SASH1: variants seen among roughly 807,000 people sequenced by gnomAD.
The protein encoded by SASH1 is SAM and SH3 domain-containing protein 1.
A neutral mutation model predicts 125.2 loss-of-function variants in SASH1; 44 were observed. That is an observed-to-expected ratio of 0.35 (90% CI 0.28 to 0.45). SASH1 has a LOEUF of 0.45. Ranked by LOEUF, SASH1 falls within the 20% of genes least tolerant of loss-of-function variation. SASH1 has a pLI of 1.00. For missense variants in SASH1, 1,426 were observed against 1,614.5 expected (o/e 0.88, Z 2.00); for synonymous variants, 639 against 649.1 (o/e 0.98, Z 0.24).
At chr6:148,329,209 AGTT>A (rs1780920248) in intron 1 of SASH1, among the ~76,000 whole-genome samples, 1 of 152,214 alleles carries the variant, frequency 6.6e-6, no homozygotes, top group Non-Finnish European at 1.5e-5. Context: ...GCTAGCACCT[AGTT>A]GTTTCATTTA....
intron 1 of SASH1, among the ~76,000 whole-genome samples, chr6:148,376,026 A>G (rs926335697): frequency 3.9e-5 from 6 of 152,072 alleles, no homozygotes; most frequent in African/African-American, 1.2e-4. Flanking sequence ...TGGGGATTGC[A>G]TGGCATTTTT....
intron 2 of SASH1, among the ~76,000 whole-genome samples, chr6:148,434,416 A>G (rs1026312909): frequency 6.6e-6 from 1 of 152,158 alleles, no homozygotes; most frequent in Non-Finnish European, 1.5e-5. Context: ...CTTTAGAAAA[A>G]AGTAATGCAA....
At chr6:148,514,112 G>A in intron 8 of SASH1, 17 of 1,306,406 alleles carry the variant, frequency 1.3e-5, no homozygotes, top group Non-Finnish European at 1.6e-5. Context: ...AAGGATGTGT[G>A]TTTCCGTGCC....
At chr6:148,407,602 C>T (rs1042387843) in intron 2 of SASH1, among the ~76,000 whole-genome samples, 1 of 152,174 alleles carries the variant, frequency 6.6e-6, no homozygotes, top group Non-Finnish European at 1.5e-5. Context: ...AGAGGTGGAA[C>T]TGCTGGATGA....
intron 7 of SASH1, among the ~76,000 whole-genome samples, chr6:148,483,751 T>C (rs1388743943): frequency 2.0e-5 from 3 of 152,320 alleles, no homozygotes; most frequent in Non-Finnish European, 2.9e-5. Flanking sequence ...TTTATACCTA[T>C]AGGATATTCT....
chr6:148,367,040 C>T (rs866128032), intron 1 of SASH1, among the ~76,000 whole-genome samples: 1 of 144,244 alleles, frequency 6.9e-6, no homozygotes, highest in African/African-American at 2.6e-5. Flanking sequence ...GGCGTGATCT[C>T]TGCTCACTGC....
At chr6:148,502,524 C>T (rs1002086188) in intron 8 of SASH1, among the ~76,000 whole-genome samples, 7 of 152,200 alleles carry the variant, frequency 4.6e-5, no homozygotes, top group Non-Finnish European at 8.8e-5. Context: ...GCCTCTGCCA[C>T]GGCCCCAGAG....
rs576829882 is a variant in SASH1, at chr6:148,483,948, A to G, written c.628-3666A>G. Among the ~76,000 whole-genome samples the G allele has an allele frequency of 2.6e-5, 4 of 152,330 alleles. No individual in the cohort carries two copies. In the South Asian group the frequency reaches 8.3e-4, roughly 32 times the overall value. The stretch of plus-strand genomic sequence containing the variant: ...TTGATCTCATGGGGAGAAGTTGGAA[A>G]GGATTTATCTCAAAAGAAGCAGAAA... On this transcript the variant is annotated intron_variant, in intron 7 of 19. Coordinates refer to ENST00000367467, the MANE Select transcript of SASH1 (RefSeq NM_015278.5).
intron 1 of SASH1, among the ~76,000 whole-genome samples, chr6:148,362,207 G>GT (rs1562352020): frequency 6.7e-6 from 1 of 148,906 alleles, no homozygotes; most frequent in East Asian, 2.0e-4. Context: ...GATTACAGGC[G>GT]TGAGCCACCG....
Position 148,519,188 on chromosome 6 carries a change from G to T in SASH1, c.863-359G>T, listed in dbSNP as rs1464722787. ...GCCTTTCAGAAGGGGGAAAGATCCT[G>T]ATTCCTAGTTTCAGAGGGTTGCATT... On this transcript the variant is annotated intron_variant, in intron 9 of 19. Coordinates refer to ENST00000367467, the MANE Select transcript of SASH1 (RefSeq NM_015278.5). The surrounding 1 kb of genome is among the most constrained non-coding windows in gnomAD (Gnocchi z 4.8). Among the ~76,000 whole-genome samples, 1 of 152,188 alleles carries T rather than the reference G, an allele frequency of 6.6e-6. No individual in the cohort carries two copies. The highest frequency in any genetic ancestry group is 2.4e-5 in the African/African-American group (1 of 41,430).
rs1409476115 is a variant in SASH1 at position 148,527,611 on chromosome 6, G to A, written c.1428+15G>A. On this transcript the variant is annotated intron_variant, in intron 12 of 19. Coordinates refer to ENST00000367467, the MANE Select transcript of SASH1 (RefSeq NM_015278.5). ...TCTCTGAGCAGGTATGCAGCTACCT[G>A]GTAGAATGTTCCCTTGGTTCTTCCT... The A allele has an allele frequency of 5.0e-6, 8 of 1,590,158 alleles. No homozygotes were observed. The highest frequency in any genetic ancestry group is 6.8e-6 in the Non-Finnish European group (8 of 1,172,942).
At chr6:148,202,371 A>G in the SASH1 span, among the ~76,000 whole-genome samples, 44 of 152,210 alleles carry the variant, frequency 2.9e-4, no homozygotes, top group African/African-American at 1.1e-3. Flanking sequence ...GGGCCCACAT[A>G]GCGAAAAGAC....
chr6:148,241,711 T>C, the SASH1 span, among the ~76,000 whole-genome samples: 1 of 152,202 alleles, frequency 6.6e-6, no homozygotes, highest in African/African-American at 2.4e-5. Flanking sequence ...AGCCACGCAA[T>C]TGGGGTTCAA....
At chr6:148,278,017 G>GTTTTGT (rs939211764) in intron 1 of SASH1, among the ~76,000 whole-genome samples, 16 of 151,638 alleles carry the variant, frequency 1.1e-4, no homozygotes, top group African/African-American at 2.9e-4. Flanking sequence ...TCCCGGCCTT[G>GTTTTGT]TTTTGTTTTT....
At chr6:148,452,276 G>A (rs1005415204) in intron 4 of SASH1, among the ~76,000 whole-genome samples, 2 of 152,222 alleles carry the variant, frequency 1.3e-5, no homozygotes, top group East Asian at 1.9e-4. Flanking sequence ...GGGCATGAGG[G>A]CCAGGTCACT....
intron 4 of SASH1, among the ~76,000 whole-genome samples, chr6:148,446,450 A>G (rs930632121): frequency 8.5e-5 from 13 of 152,128 alleles, no homozygotes; most frequent in African/African-American, 3.1e-4. Flanking sequence ...GACATTGCGT[A>G]GGAGACTAGC....
the SASH1 span, among the ~76,000 whole-genome samples, chr6:148,208,278 G>A: frequency 6.6e-6 from 1 of 152,198 alleles, no homozygotes; most frequent in Non-Finnish European, 1.5e-5. Context: ...GATGCTAAGG[G>A]AAGTCTACTA....
chr6:148,464,583 A>G (rs1777752863), intron 4 of SASH1, among the ~76,000 whole-genome samples: 1 of 152,014 alleles, frequency 6.6e-6, no homozygotes. Context: ...TTAGTAAATG[A>G]CCCCTTCCAC....
chr6:148,492,581 G>A (rs558376232), intron 8 of SASH1, among the ~76,000 whole-genome samples: 1 of 152,290 alleles, frequency 6.6e-6, no homozygotes, highest in South Asian at 2.1e-4. Context: ...ACTTTGGGAG[G>A]CTGAGGCAGG....
Sources: gnomAD v4.1 joint callset for allele counts (sites outside exome capture counted in the v4.1 genomes callset) on GRCh38, gnomAD v4.1.1 for gene constraint, Gnocchi (gnomAD v3.1) non-coding constraint, MANE v1.5 for transcripts, NCBI Gene and HGNC (gene_info 2026-07-23, HGNC 2026-07-21) for gene names.